DPT: variants seen among roughly 807,000 people sequenced by gnomAD.
DPT encodes the protein dermatopontin.
Under a neutral mutation model 31.2 loss-of-function variants are expected in DPT, and 21 were observed. That is an observed-to-expected ratio of 0.67 (90% confidence interval 0.48 to 0.97). The LOEUF is 0.97. DPT is among the 50% of genes least tolerant of loss of function. The pLI, the probability that DPT is intolerant of heterozygous loss-of-function variation, is 0.00. For synonymous variants in DPT, 91 were observed against 86.9 expected (o/e 1.05, Z -0.26); for missense variants, 262 against 258.8 (o/e 1.01, Z -0.08).
At chr1:168,728,604 C>T (rs756569778) in intron 1 of DPT, among the ~76,000 whole-genome samples, 2 of 152,116 alleles carry the variant, frequency 1.3e-5, no homozygotes, top group Non-Finnish European at 2.9e-5. Context: ...CTGGCCCAAA[C>T]TGAGAGTAGG....
At chr1:168,713,341 C>A (rs1360808571) in intron 2 of DPT, among the ~76,000 whole-genome samples, 2 of 152,146 alleles carry the variant, frequency 1.3e-5, no homozygotes, top group Non-Finnish European at 2.9e-5. Context: ...CTTTGTATCC[C>A]TAGAGATACT....
At chr1:168,700,983 C>T in intron 3 of DPT, 34 bp downstream of exon 3, 2 of 1,508,396 alleles carry the variant, frequency 1.3e-6, no homozygotes, top group Admixed American at 1.7e-5. Context: ...ACTCCTTTAA[C>T]CCTAGCCCAT....
intron 3 of DPT, 91 bp from the exon 4 acceptor site, chr1:168,696,706 G>T: frequency 8.7e-7 from 1 of 1,152,952 alleles, no homozygotes; most frequent in Non-Finnish European, 1.3e-6. Flanking sequence ...GAGAACATTT[G>T]GAGGATCTGG....
At chr1:168,696,823 T>C (rs1226629706) in intron 3 of DPT, among the ~76,000 whole-genome samples, 2 of 152,180 alleles carry the variant, frequency 1.3e-5, no homozygotes, top group Non-Finnish European at 2.9e-5. Flanking sequence ...AGGTGACTAA[T>C]TAGGTCACTG....
chr1:168,726,653 C>T (rs1650249610), intron 1 of DPT, among the ~76,000 whole-genome samples: 1 of 152,210 alleles, frequency 6.6e-6, no homozygotes, highest in African/African-American at 2.4e-5. Context: ...CTGAGTGCTG[C>T]TTGACTGTGG....
chr1:168,717,265 T>C (rs545648011), intron 1 of DPT, among the ~76,000 whole-genome samples: 1 of 152,346 alleles, frequency 6.6e-6, no homozygotes, highest in Admixed American at 6.5e-5. Context: ...CATGAGATGG[T>C]ATCTTATTGT....
intron 1 of DPT, among the ~76,000 whole-genome samples, chr1:168,722,631 G>C (rs1038708357): frequency 6.6e-6 from 1 of 152,156 alleles, no homozygotes; most frequent in African/African-American, 2.4e-5. Flanking sequence ...GAGAAGGTAA[G>C]TAATTCCCCT....
In DPT at chr1:168,695,694, C is replaced by G. The variant is rs905085751; in HGVS notation, c.*855G>C. 6.6e-6 allele frequency: 1 copy of G among 152,300 alleles called. No individual in the cohort carries two copies. The highest frequency in any genetic ancestry group is 2.4e-5 in the African/African-American group (1 of 41,426). 9.4% of individuals were successfully genotyped at this position (152,300 alleles called of 1,614,324 possible). ...GGGTTCCAGGGTGTCTGCCAGCCTTCCTAGGAATCGTGGGCAGGCTTCTAG... is the reference window on the plus strand; with the variant it reads ...GGGTTCCAGGGTGTCTGCCAGCCTTGCTAGGAATCGTGGGCAGGCTTCTAG... On this transcript the variant is annotated 3_prime_UTR_variant, in exon 4 of 4. Transcript: ENST00000367817.
At chr1:168,703,510 C>T (rs912889644) in intron 2 of DPT, among the ~76,000 whole-genome samples, 1 of 152,198 alleles carries the variant, frequency 6.6e-6, no homozygotes, top group Admixed American at 6.5e-5. Flanking sequence ...GTCCGAGAAG[C>T]CTCTCCATGA....
chr1:168,728,523 A>C (rs1018454), intron 1 of DPT, among the ~76,000 whole-genome samples: 85,092 of 152,044 alleles, frequency 0.56, 24,497 homozygotes, highest in African/African-American at 0.63. Flanking sequence ...TATAAAGTTT[A>C]TTACTTTCAG....
Position 168,696,543 on chromosome 1 carries a change from G to A in DPT, c.*6C>T. ...TCCTTTCACCCAGATTTGGTATGTG[G>A]CAAATCTAAACATTTGCAAATTCAC... On this transcript the variant is annotated 3_prime_UTR_variant, in exon 4 of 4. Coordinates refer to ENST00000367817, the MANE Select transcript of DPT (RefSeq NM_001937.5). The A allele has an allele frequency of 6.2e-7, 1 of 1,613,342 alleles. No individual in the cohort carries two copies. Among genetic ancestry groups the A allele is most frequent in the Non-Finnish European group, 8.5e-7 (1 of 1,179,554 alleles).
intron 1 of DPT, among the ~76,000 whole-genome samples, chr1:168,726,580 T>A (rs912465092): frequency 3.3e-5 from 5 of 152,178 alleles, no homozygotes; most frequent in Non-Finnish European, 7.3e-5. Flanking sequence ...AGAACCAGGA[T>A]CCAGACCCAG....
chr1:168,720,261 T>C (rs146708770), intron 1 of DPT, among the ~76,000 whole-genome samples: 312 of 152,288 alleles, frequency 2.0e-3, no homozygotes, highest in Non-Finnish European at 3.5e-3. Context: ...CTCATGTTCA[T>C]GAGCTCTCAA....
At chr1:168,718,990 T>C (rs566309362) in intron 1 of DPT, among the ~76,000 whole-genome samples, 110 of 152,172 alleles carry the variant, frequency 7.2e-4, no homozygotes, top group Admixed American at 1.2e-3. Context: ...CCACCCACTT[T>C]GGAGCACAGG....
chr1:168,715,602 CAA>C (rs1338929069), intron 1 of DPT, among the ~76,000 whole-genome samples: 3 of 151,302 alleles, frequency 2.0e-5, no homozygotes, highest in African/African-American at 2.4e-5. Context: ...AAAAAGAAGA[CAA>C]AGAGAAGCAC....
At chr1:168,720,654 T>G (rs565468089) in intron 1 of DPT, among the ~76,000 whole-genome samples, 3 of 152,122 alleles carry the variant, frequency 2.0e-5, no homozygotes, top group Non-Finnish European at 2.9e-5. Context: ...TGTTAGCCAG[T>G]TTCCAACCCC....
In DPT at chr1:168,696,292, A is replaced by C; in HGVS notation, c.*257T>G. On this transcript the variant is annotated 3_prime_UTR_variant, in exon 4 of 4. Transcript: ENST00000367817. ...ATGCGCACTGTATATGTGGTGTGCA[A>C]GGAAGCCATCATCAGTCATATAAAG... 1 of 564,762 alleles carries C rather than the reference A, an allele frequency of 1.8e-6. No individual in the cohort carries two copies. Among genetic ancestry groups the C allele is most frequent in the South Asian group, 2.5e-5 (1 of 39,814 alleles). The allele number at this position is 564,762 out of a possible 1,614,324, so 35.0% of individuals were successfully genotyped here. A position where few individuals can be genotyped will look rare whatever the true frequency, so the allele number is the denominator to read the frequency against.
chr1:168,705,803 C>T (rs1649706765), intron 2 of DPT, among the ~76,000 whole-genome samples: 1 of 152,196 alleles, frequency 6.6e-6, no homozygotes, highest in African/African-American at 2.4e-5. Flanking sequence ...GAGAGGGATC[C>T]AGTGGGAGGT....
At chr1:168,698,506 T>A (rs1326802784) in intron 3 of DPT, among the ~76,000 whole-genome samples, 3 of 152,186 alleles carry the variant, frequency 2.0e-5, no homozygotes, top group Admixed American at 1.3e-4. Flanking sequence ...AGAAGGCTAT[T>A]AATTGATGCT....
Sources: gnomAD v4.1 joint callset for allele counts (sites outside exome capture counted in the v4.1 genomes callset) on GRCh38, gnomAD v4.1.1 for gene constraint, MANE v1.5 for transcripts, NCBI Gene and HGNC (gene_info 2026-07-23, HGNC 2026-07-21) for gene names.